SORL1: variants seen among roughly 807,000 people sequenced by gnomAD.
SORL1 encodes sortilin-related receptor.
Under a neutral mutation model 273.7 loss-of-function variants are expected in SORL1, and 127 were observed. The ratio of observed to expected loss-of-function variants is 0.46; its 90% CI spans 0.40 to 0.54. SORL1 has a LOEUF of 0.54. SORL1 is among the 20% of genes least tolerant of loss of function. The pLI, the probability that SORL1 is intolerant of heterozygous loss-of-function variation, is 0.00. For synonymous variants in SORL1, 1,031 were observed against 1,067.4 expected (o/e 0.97, Z 0.66); for missense variants, 2,494 against 2,846.1 (o/e 0.88, Z 2.81).
At chr11:121,597,406 G>T (rs978968159) in intron 32 of SORL1, among the ~76,000 whole-genome samples, 1 of 151,806 alleles carries the variant, frequency 6.6e-6, no homozygotes, top group African/African-American at 2.4e-5. Context: ...TTTTTTTCTG[G>T]CAGGCATTGA....
intron 23 of SORL1, among the ~76,000 whole-genome samples, chr11:121,571,786 C>G (rs1488468232): frequency 6.6e-6 from 1 of 152,200 alleles, no homozygotes; most frequent in Non-Finnish European, 1.5e-5. Context: ...ATCGTTTTCC[C>G]TTGGATTCAG....
At chr11:121,600,070 A>T (rs1863363799) in intron 32 of SORL1, among the ~76,000 whole-genome samples, 1 of 152,210 alleles carries the variant, frequency 6.6e-6, no homozygotes, top group African/African-American at 2.4e-5. Flanking sequence ...AGTAATACAG[A>T]GTTACCCAGA....
chr11:121,545,213 A>T (rs759847687), intron 13 of SORL1, 30 bp from the exon 14 acceptor site: 1 of 1,611,896 alleles, frequency 6.2e-7, no homozygotes, highest in Non-Finnish European at 8.5e-7. Flanking sequence ...CCTGCCTCTA[A>T]TGCTTCGTGC....
chr11:121,481,311 G>T (rs1301111642), intron 3 of SORL1, among the ~76,000 whole-genome samples: 1 of 123,040 alleles, frequency 8.1e-6, no homozygotes, highest in Non-Finnish European at 1.7e-5. Flanking sequence ...CTCCTCCCCA[G>T]CTCCTCCCCT....
rs564898181 is a variant in SORL1, at chr11:121,570,054, G to A, written c.3224-103G>A. The A allele has an allele frequency of 7.3e-5, 46 of 626,366 alleles. No individual in the cohort carries two copies. In the South Asian group the frequency reaches 8.9e-4, roughly 12 times the overall value. The allele number at this position is 626,366 out of a possible 1,614,324, so 38.8% of individuals were successfully genotyped here. On this transcript the variant is annotated intron_variant, in intron 22 of 47. Coordinates refer to ENST00000260197, the MANE Select transcript of SORL1 (RefSeq NM_003105.6). ...CCCGATATCTGGCTGAATTTCCCCC[G>A]ATAGTTACTAAAGGGAGGGAAACTC...
In SORL1 at chr11:121,595,592, A is replaced by G. The variant is rs569666097; in HGVS notation, c.4370-31A>G. On this transcript the variant is annotated intron_variant, in intron 31 of 47. Coordinates refer to ENST00000260197, the MANE Select transcript of SORL1 (RefSeq NM_003105.6). The surrounding 1 kb of genome is among the most constrained non-coding windows in gnomAD (Gnocchi z 5.1). Reference sequence around the variant, plus strand: ...TTATTGGCCAGCTCCCTCAATATTAAAAAGTAAATTTTAAAAATCTTTTAT... The same window carrying G: ...TTATTGGCCAGCTCCCTCAATATTAGAAAGTAAATTTTAAAAATCTTTTAT... The G allele has an allele frequency of 3.9e-6, 6 of 1,545,418 alleles. No homozygotes were observed. The highest frequency in any genetic ancestry group is 1.4e-5 in the African/African-American group (1 of 73,058).
At chr11:121,464,096 AAGC>A (rs1861046219) in intron 1 of SORL1, among the ~76,000 whole-genome samples, 1 of 152,224 alleles carries the variant, frequency 6.6e-6, no homozygotes, top group Non-Finnish European at 1.5e-5. Flanking sequence ...ACTGCTAGTG[AAGC>A]AGAGAAATGA....
chr11:121,456,809 AC>A (rs1312115542), intron 1 of SORL1, among the ~76,000 whole-genome samples: 1 of 152,156 alleles, frequency 6.6e-6, no homozygotes, highest in African/African-American at 2.4e-5. Flanking sequence ...CTGATTTGAG[AC>A]TGAAAATAAA....
At chr11:121,511,452 A>G (rs946599662) in intron 6 of SORL1, among the ~76,000 whole-genome samples, 1 of 152,220 alleles carries the variant, frequency 6.6e-6, no homozygotes. Context: ...GACTTAAACT[A>G]ATCATCTGAC....
intron 22 of SORL1, among the ~76,000 whole-genome samples, chr11:121,569,532 T>C (rs1862805286): frequency 6.6e-6 from 1 of 152,166 alleles, no homozygotes; most frequent in African/African-American, 2.4e-5. Flanking sequence ...GGCCATCTTT[T>C]ATGGTCGAAG....
intron 6 of SORL1, among the ~76,000 whole-genome samples, chr11:121,504,151 C>T (rs371748286): frequency 7.9e-5 from 12 of 152,188 alleles, no homozygotes; most frequent in Non-Finnish European, 1.3e-4. Context: ...CGGTGGCTCA[C>T]GCCTGTAATA....
chr11:121,495,463 C>T lies in SORL1; in HGVS notation c.759-1406C>T, dbSNP rs150287610. ...AGGGGTGGGGGGAATATGCTCTTGA[C>T]AGTATATCTCTGAAGGAATTTGACA... On this transcript the variant is annotated intron_variant, in intron 5 of 47. Coordinates refer to ENST00000260197, the MANE Select transcript of SORL1 (RefSeq NM_003105.6). Among the ~76,000 whole-genome samples the T allele has an allele frequency of 2.0e-3, 311 of 152,234 alleles. 5 individuals are homozygous for T. The highest frequency in any genetic ancestry group is 7.0e-3 in the African/African-American group (292 of 41,522).
At chr11:121,583,393 C>A in intron 25 of SORL1, 65 bp from the exon 26 acceptor site, 2 of 1,537,840 alleles carry the variant, frequency 1.3e-6, no homozygotes, top group Non-Finnish European at 1.8e-6. Flanking sequence ...CAGCCCACCC[C>A]CTTGGACAGT....
rs368569394 is a variant in SORL1, at chr11:121,543,643, G to C, written c.1781G>C (p.Ser594Thr). The C allele has an allele frequency of 8.7e-6, 14 of 1,613,938 alleles. No individual in the cohort carries two copies. The highest frequency in any genetic ancestry group is 1.7e-5 in the Admixed American group (1 of 60,010). The change falls in exon 13 of 48, where the codon AGC (serine) becomes ACC (threonine). Residue 594 changes from serine to threonine, a missense_variant. Physicochemically the swap from Ser to Thr is moderately conservative, Grantham distance 58. Around this residue, in one of 3 missense-constraint regions of SORL1, gnomAD observed 710 missense variants for 882.5 expected, o/e 0.80. Coordinates refer to ENST00000260197, the MANE Select transcript of SORL1 (RefSeq NM_003105.6). Reference protein sequence around the residue: ...YGLLTEPGEKSTVFTIFGSNK... With the variant: ...YGLLTEPGEKTTVFTIFGSNK... The stretch of plus-strand genomic sequence containing the variant: ...CTCCTCACAGAACCTGGGGAGAAGA[G>C]CACTGTCTTCACCATCTTTGGCTCG...
At chr11:121,575,760 CT>C (rs1300922437) in intron 24 of SORL1, among the ~76,000 whole-genome samples, 1 of 152,190 alleles carries the variant, frequency 6.6e-6, no homozygotes, top group African/African-American at 2.4e-5. Flanking sequence ...CTTCCCAGCA[CT>C]CTTAGAAGGT....
At chr11:121,551,420 T>G (rs1399266861) in intron 16 of SORL1, among the ~76,000 whole-genome samples, 6 of 152,266 alleles carry the variant, frequency 3.9e-5, no homozygotes, top group Non-Finnish European at 5.9e-5. Flanking sequence ...TAAAACACGT[T>G]TCTGCTAGAT....
chr11:121,524,176 A>G (rs554808359), intron 11 of SORL1, among the ~76,000 whole-genome samples: 13 of 152,390 alleles, frequency 8.5e-5, no homozygotes, highest in Non-Finnish European at 1.3e-4. Flanking sequence ...CCAAGGGAAG[A>G]TTAAGCAGCT....
chr11:121,503,501 C>CT (rs1012875869), intron 6 of SORL1, among the ~76,000 whole-genome samples: 49 of 151,004 alleles, frequency 3.2e-4, no homozygotes, highest in Admixed American at 2.6e-4. Context: ...CTCCTTCTCT[C>CT]TTTTTTTTTG....
intron 38 of SORL1, 28 bp from the exon 39 acceptor site, chr11:121,611,046 TTC>T: frequency 6.6e-7 from 1 of 1,515,532 alleles, no homozygotes; most frequent in Non-Finnish European, 9.2e-7. Context: ...ATCACGTGGC[TTC>T]TGTTTTTGAA....
Sources: allele counts gnomAD v4.1 joint callset (sites outside exome capture counted in the v4.1 genomes callset), GRCh38; gene constraint gnomAD v4.1.1; regional missense constraint gnomAD v4.1.1; non-coding constraint Gnocchi (gnomAD v3.1); transcripts MANE v1.5; gene names NCBI Gene and HGNC (gene_info 2026-07-23, HGNC 2026-07-21).